The following PNPLA1 variants were observed in gnomAD, a reference collection of about 807,000 sequenced individuals.
PNPLA1 encodes the protein patatin like domain 1, omega-hydroxyceramide transacylase.
Under a neutral mutation model 51.7 loss-of-function variants are expected in PNPLA1, and 36 were observed. The observed-to-expected ratio is 0.70, with a 90% CI of 0.53 to 0.92. PNPLA1 has a LOEUF of 0.92. PNPLA1 is among the 40% of genes least tolerant of loss of function. The pLI is 0.00. For synonymous variants in PNPLA1, 293 were observed against 280.1 expected (o/e 1.05, Z -0.46); for missense variants, 658 against 682.5 (o/e 0.96, Z 0.40).
At chr6:36,303,690 A>G (rs900235450) in intron 6 of PNPLA1, among the ~76,000 whole-genome samples, 3 of 152,040 alleles carry the variant, frequency 2.0e-5, no homozygotes, top group South Asian at 2.1e-4. Context: ...AAATCAGCCA[A>G]ACTTGGTGGT....
chr6:36,299,029 G>A (rs563954813), intron 5 of PNPLA1, among the ~76,000 whole-genome samples: 1 of 152,130 alleles, frequency 6.6e-6, no homozygotes, highest in Admixed American at 6.5e-5. Context: ...GAGCCACCGC[G>A]CCTGGCCGAT....
chr6:36,270,618 G>C lies in PNPLA1; in HGVS notation c.159G>C (p.Ser53=). ...LETAHRFAGT[S]AGAVIAALAI... is the part of the protein sequence containing the mutation. ...CAGCCCACCGCTTTGCGGGGACATCGGCAGGTGCTGTGATCGCCGCCCTGG... is the reference window on the plus strand; with the variant it reads ...CAGCCCACCGCTTTGCGGGGACATCCGCAGGTGCTGTGATCGCCGCCCTGG... The change falls in exon 1 of 9, where the codon TCG becomes TCC. Residue 53 remains serine, a synonymous_variant. Transcript: ENST00000636260. 3 of 1,551,500 alleles carry C rather than the reference G, an allele frequency of 1.9e-6. No homozygotes were observed. The highest frequency in any genetic ancestry group is 1.7e-4 in the Middle Eastern group (1 of 5,912).
intron 1 of PNPLA1, among the ~76,000 whole-genome samples, chr6:36,257,298 A>T (rs941031206): frequency 3.9e-5 from 6 of 152,186 alleles, no homozygotes; most frequent in Non-Finnish European, 7.4e-5. Flanking sequence ...TCCAAACAGA[A>T]ATTGCTTAAA....
chr6:36,267,801 G>A (rs1004161883), upstream of PNPLA1, among the ~76,000 whole-genome samples: 21 of 151,998 alleles, frequency 1.4e-4, no homozygotes, highest in African/African-American at 4.8e-4. Flanking sequence ...CCCATGGATA[G>A]TGCCCATGTC....
intron 1 of PNPLA1, among the ~76,000 whole-genome samples, chr6:36,282,104 G>A (rs868713900): frequency 0.035 from 1,771 of 50,306 alleles, 39 homozygotes; most frequent in African/African-American, 0.096. Context: ...AAGGAAGGAA[G>A]GAAGGAAGGA....
chr6:36,277,603 C>T (rs1440085802), intron 1 of PNPLA1, among the ~76,000 whole-genome samples: 1 of 152,192 alleles, frequency 6.6e-6, no homozygotes, highest in Non-Finnish European at 1.5e-5. Context: ...GTGGCTCGTG[C>T]CTGTGAGCCC....
At chr6:36,306,588 G>A (rs1051298374) in intron 7 of PNPLA1, among the ~76,000 whole-genome samples, 7 of 152,188 alleles carry the variant, frequency 4.6e-5, no homozygotes, top group East Asian at 1.9e-4. Flanking sequence ...GAGCCTGTCC[G>A]TGGTGATGAT....
rs190892070 is a variant in PNPLA1 at position 36,305,226 on chromosome 6, T to C, written c.1385-1066T>C. Among the ~76,000 whole-genome samples the C allele has an allele frequency of 1.3e-3, 195 of 152,326 alleles. 1 individual carries two copies. The highest frequency in any genetic ancestry group is 4.5e-3 in the African/African-American group (185 of 41,564). On this transcript the variant is annotated intron_variant, in intron 6 of 8. Transcript: ENST00000636260. ...TCAGCTCATCAGCTATCATTACTGT[T>C]AGTGTATTTTATGTGTGGCCCAAGA...
intron 1 of PNPLA1, among the ~76,000 whole-genome samples, chr6:36,272,416 C>T (rs1769943827): frequency 6.6e-6 from 1 of 152,228 alleles, no homozygotes; most frequent in African/African-American, 2.4e-5. Flanking sequence ...GAAGAAGCTT[C>T]ACCTGCTGCT....
chr6:36,301,856 C>A lies in PNPLA1; in HGVS notation c.776-5C>A, dbSNP rs375612206. The A allele has an allele frequency of 3.5e-5, 57 of 1,611,196 alleles. No homozygotes were observed. The highest frequency in any genetic ancestry group is 4.8e-5 in the Non-Finnish European group (56 of 1,178,182). ...AGTAACACCCCATGCTATTGTTTAT[C>A]CTAGATGCTGTTTATCTTAATTCTT... On this transcript the variant is annotated splice_region_variant and splice_polypyrimidine_tract_variant and intron_variant, in intron 5 of 8. Transcript: ENST00000636260.
intron 3 of PNPLA1, among the ~76,000 whole-genome samples, chr6:36,293,726 T>C (rs1215716086): frequency 6.6e-6 from 1 of 152,200 alleles, no homozygotes; most frequent in African/African-American, 2.4e-5. Context: ...AGATGGAGCT[T>C]GTATTGCATG....
Position 36,302,380 on chromosome 6 carries a change from TG to T in PNPLA1, c.1300del (p.Ala434HisfsTer22), listed in dbSNP as rs753687060. 3.1e-6 allele frequency: 5 copies of T among 1,602,176 alleles called. No individual in the cohort carries two copies. In the East Asian group the frequency reaches 8.9e-5, roughly 29 times the overall value. The part of the protein sequence containing the change: ...SPRPSLGPST[V>X]GAPQTLPRSS... ...AGGCCATCCCTGGGGCCTTCAACTG[TG>T]GGGGCACCTCAAACACTGCCCCGAA... On this transcript the variant is annotated frameshift_variant, in exon 6 of 9. Coordinates refer to ENST00000636260, the MANE Select transcript of PNPLA1 (RefSeq NM_001374623.1). LOFTEE classifies it high-confidence loss of function.
At chr6:36,258,865 A>T (rs1490347845) in intron 1 of PNPLA1, among the ~76,000 whole-genome samples, 1 of 152,234 alleles carries the variant, frequency 6.6e-6, no homozygotes, top group African/African-American at 2.4e-5. Flanking sequence ...CCAAGTGCTT[A>T]TCCCAATCTC....
chr6:36,250,550 T>A (rs1020526792), intron 1 of PNPLA1, among the ~76,000 whole-genome samples: 7 of 152,220 alleles, frequency 4.6e-5, no homozygotes, highest in African/African-American at 1.7e-4. Flanking sequence ...GCTGAGTTCA[T>A]CCTGTCTCAT....
At position 36,274,962 on chromosome 6, in the gene PNPLA1, C is replaced by T. The variant is rs551912377; in HGVS notation, c.205+4298C>T. 9.2e-5 allele frequency among the ~76,000 whole-genome samples: 14 copies of T among 152,318 alleles called. No homozygotes were observed. The South Asian group carries it at 2.9e-3, about 32-fold the overall frequency. On this transcript the variant is annotated intron_variant, in intron 1 of 8. Coordinates refer to ENST00000636260, the MANE Select transcript of PNPLA1 (RefSeq NM_001374623.1). ...TCTTTCACCAGTTATGCACAATGCA[C>T]CTCTCTTTTCCCACTCTATTTCTTG...
intron 4 of PNPLA1, 143 bp from the exon 5 acceptor site, chr6:36,295,221 G>A: frequency 1.3e-6 from 1 of 772,750 alleles, no homozygotes; most frequent in Non-Finnish European, 2.2e-6. Context: ...AGACAGTGAG[G>A]GATGGGACAC....
Position 36,307,650 on chromosome 6 carries a change from A to T in PNPLA1, c.1533A>T (p.Thr511=). The T allele has an allele frequency of 6.2e-7, 1 of 1,614,004 alleles. No individual in the cohort carries two copies. The highest frequency in any genetic ancestry group is 8.5e-7 in the Non-Finnish European group (1 of 1,179,994). ...TCTTCAAGAAGAACAAGCAAAAGAC[A>T]AGTGGCACCAGAAAAGGCTTCCCAA... ...NKVFKKNKQK[T]SGTRKGFPRH... is the part of the protein sequence containing the mutation. Residue 511 remains threonine (T), a synonymous_variant, in exon 8 of 9, where the codon ACA becomes ACT. Coordinates refer to ENST00000636260, the MANE Select transcript of PNPLA1 (RefSeq NM_001374623.1).
intron 3 of PNPLA1, 47 bp downstream of exon 3, chr6:36,293,173 T>A (rs1415036238): frequency 6.4e-7 from 1 of 1,565,914 alleles, no homozygotes; most frequent in Admixed American, 1.7e-5. Flanking sequence ...CCAAGGGACC[T>A]CGGGTCCCTG....
At chr6:36,247,791 T>G (rs1934052681) in intron 1 of PNPLA1, among the ~76,000 whole-genome samples, 1 of 152,224 alleles carries the variant, frequency 6.6e-6, no homozygotes, top group Non-Finnish European at 1.5e-5. Flanking sequence ...AGAAGAGTAT[T>G]TCATTCTCGA....
Sources: gnomAD v4.1 joint callset for allele counts (sites outside exome capture counted in the v4.1 genomes callset) on GRCh38, gnomAD v4.1.1 for gene constraint, MANE v1.5 for transcripts, NCBI Gene and HGNC (gene_info 2026-07-23, HGNC 2026-07-21) for gene names.